The following IGSF11 variants were observed in gnomAD, a reference collection of about 807,000 sequenced individuals.
IGSF11 encodes the protein CXADR like 1.
IGSF11 carries 22 observed loss-of-function variants against 41.0 expected under a neutral mutation model. The ratio of observed to expected loss-of-function variants is 0.54; its 90% CI spans 0.38 to 0.77. IGSF11 has a LOEUF of 0.77. Ranked by LOEUF, IGSF11 falls within the 30% of genes least tolerant of loss-of-function variation. The pLI, the probability that IGSF11 is intolerant of heterozygous loss-of-function variation, is 0.00. For missense variants in IGSF11, 444 were observed against 530.8 expected (o/e 0.84, Z 1.61); for synonymous variants, 219 against 201.3 (o/e 1.09, Z -0.74).
chr3:119,016,751 AT>A (rs1404839873), intron 1 of IGSF11, among the ~76,000 whole-genome samples: 1 of 152,002 alleles, frequency 6.6e-6, no homozygotes, highest in Non-Finnish European at 1.5e-5. Flanking sequence ...TTCTAACATT[AT>A]CTCCCACCCT....
intron 1 of IGSF11, among the ~76,000 whole-genome samples, chr3:118,951,107 A>G (rs1008462019): frequency 2.0e-5 from 3 of 152,230 alleles, no homozygotes; most frequent in Non-Finnish European, 4.4e-5. Context: ...TAGCAGCCAC[A>G]TGTGGCTATT....
intron 1 of IGSF11, among the ~76,000 whole-genome samples, chr3:118,986,912 G>A (rs760676680): frequency 4.6e-5 from 7 of 152,166 alleles, no homozygotes; most frequent in Non-Finnish European, 7.4e-5. Context: ...ATGTGACTCT[G>A]GGTAATGAGG....
chr3:118,949,100 G>A (rs894771042), intron 1 of IGSF11: 2 of 151,446 alleles, frequency 1.3e-5, no homozygotes, highest in Non-Finnish European at 2.9e-5. Flanking sequence ...GATACTCTTC[G>A]GCCCTGGTTC....
upstream of IGSF11, among the ~76,000 whole-genome samples, chr3:119,037,154 C>G (rs888867341): frequency 6.6e-6 from 1 of 152,140 alleles, no homozygotes; most frequent in African/African-American, 2.4e-5. Flanking sequence ...ATGAGTTTCA[C>G]CAGCTCTTTT....
In IGSF11 at chr3:119,062,792, A is replaced by G. The variant is rs557440244; in HGVS notation, c.49+42352T>C. Among the ~76,000 whole-genome samples, 3 of 152,234 alleles carry G rather than the reference A, an allele frequency of 2.0e-5. No homozygotes were observed. In the South Asian group the frequency reaches 6.2e-4, roughly 32 times the overall value. On this transcript the variant is annotated intron_variant, in intron 1 of 6. Transcript: ENST00000354673. ...GGCACTTGTTTCATCAGCTTGATGC[A>G]AGAATGATATACAGGAACATATGCA...
chr3:118,938,259 G>A (rs944482841), intron 1 of IGSF11, among the ~76,000 whole-genome samples: 5 of 152,086 alleles, frequency 3.3e-5, no homozygotes, highest in South Asian at 2.1e-4. Flanking sequence ...ATCAGCTTAC[G>A]TATTCTACTC....
chr3:119,057,864 C>A (rs1282685614), intron 1 of IGSF11, among the ~76,000 whole-genome samples: 1 of 152,106 alleles, frequency 6.6e-6, no homozygotes, highest in Non-Finnish European at 1.5e-5. Context: ...CAAAAACAAG[C>A]AATGGGGAAA....
intron 1 of IGSF11, among the ~76,000 whole-genome samples, chr3:119,075,438 A>T (rs892157578): frequency 2.6e-5 from 4 of 152,204 alleles, no homozygotes; most frequent in Non-Finnish European, 4.4e-5. Flanking sequence ...AACTATTCCA[A>T]AAAAACAAAG....
intron 1 of IGSF11, among the ~76,000 whole-genome samples, chr3:118,975,900 C>T (rs889882993): frequency 1.3e-5 from 2 of 152,110 alleles, no homozygotes; most frequent in African/African-American, 4.8e-5. Flanking sequence ...GGCTGAAAAA[C>T]TACCTATTGA....
intron 1 of IGSF11, among the ~76,000 whole-genome samples, chr3:119,101,802 G>T (rs1415950678): frequency 6.6e-6 from 1 of 152,102 alleles, no homozygotes; most frequent in Non-Finnish European, 1.5e-5. Flanking sequence ...TCACTGGACG[G>T]TATCTATTGA....
Position 118,926,249 on chromosome 3 carries a change from A to C in IGSF11, c.432T>G (p.Pro144=). The C allele has an allele frequency of 6.3e-7, 1 of 1,588,754 alleles. No homozygotes were observed. The highest frequency in any genetic ancestry group is 8.6e-7 in the Non-Finnish European group (1 of 1,163,688). The change falls in exon 4 of 7, where the codon CCT becomes CCG. Residue 144 remains proline, a synonymous_variant. Coordinates refer to ENST00000393775, the MANE Select transcript of IGSF11 (RefSeq NM_001015887.3). The part of the protein sequence containing the change: ...GVTGLTVLVP[P]SAPHCQIQGS... ...CTTGGATTTGGCAGTGTGGGGCAGA[A>C]GGGGGAACTATAACAGGAAGAATAA...
intron 1 of IGSF11, among the ~76,000 whole-genome samples, chr3:119,123,181 C>T (rs1447375301): frequency 1.3e-5 from 2 of 152,188 alleles, no homozygotes; most frequent in African/African-American, 4.8e-5. Context: ...GCCCATGCAC[C>T]TTACGTGAAC....
intron 5 of IGSF11, among the ~76,000 whole-genome samples, 183 bp from the exon 6 acceptor site, chr3:118,904,981 G>C: frequency 6.6e-6 from 1 of 152,062 alleles, no homozygotes; most frequent in East Asian, 1.9e-4. Flanking sequence ...CAGTGGCTAG[G>C]ACTAACACAT....
intron 2 of IGSF11, 141 bp downstream of exon 2, chr3:118,929,971 G>T: frequency 1.5e-6 from 1 of 661,262 alleles, no homozygotes; most frequent in Non-Finnish European, 2.5e-6. Flanking sequence ...ATAGGGCAGA[G>T]GAGTAGGCCT....
At chr3:119,116,832 A>G (rs28823407) in intron 1 of IGSF11, among the ~76,000 whole-genome samples, 25,573 of 152,032 alleles carry the variant, frequency 0.17, 2,626 homozygotes, top group Non-Finnish European at 0.24. Context: ...CCATGTCTCC[A>G]CCTGGACCTG....
In IGSF11 at chr3:118,902,842, T is replaced by C. The variant is rs769386891; in HGVS notation, c.974A>G (p.Asn325Ser). 11 of 1,614,036 alleles carry C rather than the reference T, an allele frequency of 6.8e-6. No individual in the cohort carries two copies. The highest frequency in any genetic ancestry group is 3.3e-5 in the Admixed American group (2 of 59,990). The change falls in exon 7 of 7, where the codon AAT (asparagine) becomes AGT (serine). Residue 325 changes from asparagine to serine, a missense_variant. Around this residue, in one of 3 missense-constraint regions of IGSF11, gnomAD observed 223 missense variants for 226.2 expected, o/e 0.99. Transcript: ENST00000393775. ...NAYNSRYWSNNPKVHRNTESV... is the reference protein window; with the variant it reads ...NAYNSRYWSNSPKVHRNTESV... ...CTCTGTGTTTCTATGAACTTTTGGA[T>C]TGTTGCTCCAGTATCGACTGTTGTA...
chr3:118,936,296 C>A (rs1218021630), intron 1 of IGSF11, among the ~76,000 whole-genome samples: 1 of 151,704 alleles, frequency 6.6e-6, no homozygotes, highest in Non-Finnish European at 1.5e-5. Context: ...CACTTGAGGT[C>A]GGGAGTTCGA....
chr3:119,121,328 A>G (rs1173968079), intron 1 of IGSF11, among the ~76,000 whole-genome samples: 1 of 152,222 alleles, frequency 6.6e-6, no homozygotes, highest in African/African-American at 2.4e-5. Context: ...AAGCCAGGAG[A>G]CTGTCTCAAC....
At chr3:118,910,857 C>A (rs1483247679) in intron 4 of IGSF11, among the ~76,000 whole-genome samples, 2 of 152,088 alleles carry the variant, frequency 1.3e-5, no homozygotes, top group African/African-American at 2.4e-5. Context: ...CATTTAAGAA[C>A]CTTTTCCTGC....
Sources: allele counts gnomAD v4.1 joint callset (sites outside exome capture counted in the v4.1 genomes callset), GRCh38; gene constraint gnomAD v4.1.1; regional missense constraint gnomAD v4.1.1; transcripts MANE v1.5; gene names NCBI Gene and HGNC (gene_info 2026-07-23, HGNC 2026-07-21).